Variants in CHD2 observed in about 807,000 individuals in gnomAD.
CHD2 encodes chromodomain helicase DNA binding protein 2.
A neutral mutation model predicts 243.9 loss-of-function variants in CHD2; 28 were observed. The ratio of observed to expected loss-of-function variants is 0.11; its 90% CI spans 0.09 to 0.16. The LOEUF is 0.16. Among genes scored for constraint, CHD2 ranks in the 10% least tolerant of loss-of-function variants. The probability of loss-of-function intolerance (pLI) is 1.00; values close to 1 mark genes in which losing one functional copy is unlikely to be tolerated. For synonymous variants in CHD2, 775 were observed against 779.0 expected, an observed-to-expected ratio of 0.99 and a Z score of 0.09; for missense variants, 1,386 against 2,209.8, an observed-to-expected ratio of 0.63 and a Z score of 7.47.
At chr15:93,012,858 G>A (rs1380387771) in intron 36 of CHD2, among the ~76,000 whole-genome samples, 2 of 152,212 alleles carry the variant, frequency 1.3e-5, no homozygotes, top group Non-Finnish European at 2.9e-5. Flanking sequence ...ACTTGTGAGA[G>A]GTGCTCAGAA....
intron 27 of CHD2, 98 bp downstream of exon 27, chr15:92,991,615 G>GGAACATTTTTTTTTC (rs2054120784): frequency 1.3e-6 from 1 of 783,172 alleles, no homozygotes; most frequent in Non-Finnish European, 2.0e-6. Context: ...ACTAATGCTG[G>GGAACATTTTTTTTTC]GAACATTTTT....
chr15:92,917,588 A>T (rs900909836), intron 2 of CHD2, among the ~76,000 whole-genome samples: 2 of 152,250 alleles, frequency 1.3e-5, no homozygotes, highest in Non-Finnish European at 1.5e-5. Context: ...AAAGAAAAAA[A>T]AGGTGTGACC....
chr15:92,953,848 C>T (rs763362558), intron 14 of CHD2: 18 of 388,232 alleles, frequency 4.6e-5, no homozygotes, highest in Non-Finnish European at 8.0e-5. Context: ...GCCCTTTTTA[C>T]TTCTAAGATT....
chr15:92,928,367 C>T (rs1236356249), intron 4 of CHD2, among the ~76,000 whole-genome samples: 1 of 152,186 alleles, frequency 6.6e-6, no homozygotes, highest in Non-Finnish European at 1.5e-5. Flanking sequence ...ACAAGATTAA[C>T]AGCAATAGGA....
At chr15:93,008,428 C>T (rs564301192) in intron 34 of CHD2, among the ~76,000 whole-genome samples, 1 of 152,060 alleles carries the variant, frequency 6.6e-6, no homozygotes, top group East Asian at 1.9e-4. Context: ...GTTTTTAAAC[C>T]GCTCCCCATT....
At chr15:93,024,283 T>C (rs2054567222) in intron 38 of CHD2, 89 bp from the exon 39 acceptor site, 3 of 1,122,602 alleles carry the variant, frequency 2.7e-6, no homozygotes, top group Admixed American at 2.2e-5. Context: ...TGAATATGAG[T>C]ATATGAGGAA....
At chr15:92,985,338 T>G (rs2054028935) in intron 25 of CHD2, among the ~76,000 whole-genome samples, 160 bp from the exon 26 acceptor site, 1 of 152,242 alleles carries the variant, frequency 6.6e-6, no homozygotes, top group South Asian at 2.1e-4. Context: ...AGTGGGTATT[T>G]CTCCAAGACC....
rs138642347 is a variant in CHD2, at chr15:93,020,410, A to T, written c.5153+152A>T. 0.018 allele frequency: 17,557 copies of T among 972,410 alleles called. 222 individuals are homozygous for T. Among genetic ancestry groups the T allele is most frequent in the South Asian group, 0.034 (2,158 of 63,058 alleles). The allele number at this position is 972,410 out of a possible 1,614,324, so 60.2% of individuals were successfully genotyped here. ...CCACAGCGAATCCCATGTCTTGGTT[A>T]TAGGTTTTATGTTTTGTTTTGTGGG... On this transcript the variant is annotated intron_variant, in intron 38 of 38. Coordinates refer to ENST00000394196, the MANE Select transcript of CHD2 (RefSeq NM_001271.4).
chr15:92,904,553 T>C (rs934565746), intron 2 of CHD2: 1 of 1,007,020 alleles, frequency 9.9e-7, no homozygotes, highest in Non-Finnish European at 1.2e-6. Context: ...TGGACGCGTT[T>C]GCTCCTGGCA....
At position 92,901,318 on chromosome 15, in the gene CHD2, C is replaced by T. The variant is rs748026656; in HGVS notation, c.62+19C>T. 19 of 1,560,730 alleles carry T rather than the reference C, an allele frequency of 1.2e-5. No individual in the cohort carries two copies. Among genetic ancestry groups the T allele is most frequent in the Admixed American group, 1.7e-5 (1 of 58,472 alleles). On this transcript the variant is annotated intron_variant, in intron 2 of 38. Transcript: ENST00000394196. Reference sequence around the variant, plus strand: ...CATCGAGGTATGAGCTATCAACTTTCTTCCTTTTTGTCTTTTTTTTTGGGG... The same window carrying T: ...CATCGAGGTATGAGCTATCAACTTTTTTCCTTTTTGTCTTTTTTTTTGGGG...
At chr15:92,936,862 C>T (rs2053275613) in intron 5 of CHD2, among the ~76,000 whole-genome samples, 1 of 150,822 alleles carries the variant, frequency 6.6e-6, no homozygotes, top group African/African-American at 2.4e-5. Flanking sequence ...GGAGGAGGGG[C>T]AGATAGGGGC....
intron 25 of CHD2, 146 bp from the exon 26 acceptor site, chr15:92,985,352 C>G: frequency 1.5e-6 from 1 of 665,788 alleles, no homozygotes; most frequent in South Asian, 2.9e-5. Flanking sequence ...CAAGACCTGT[C>G]TCCCCTTATT....
chr15:92,941,278 C>A (rs2053378681), intron 7 of CHD2, among the ~76,000 whole-genome samples: 1 of 151,864 alleles, frequency 6.6e-6, no homozygotes, highest in Admixed American at 6.6e-5. Flanking sequence ...AGGTGTGAGC[C>A]TCCGCGCCTA....
rs145939316 is a variant in CHD2, at chr15:92,929,532, T to C, written c.443+441T>C. 5.8e-4 allele frequency among the ~76,000 whole-genome samples: 89 copies of C among 152,336 alleles called. No individual in the cohort carries two copies. The East Asian group carries it at 0.015, about 26-fold the overall frequency. On this transcript the variant is annotated intron_variant, in intron 5 of 38. Coordinates refer to ENST00000394196, the MANE Select transcript of CHD2 (RefSeq NM_001271.4). ...TTACATATTGTTGTTTCTGTATAAT[T>C]TTAATGTTGCAGTTCATAAGCCAGA...
chr15:93,020,390 G>A, intron 38 of CHD2, 132 bp downstream of exon 38: 2 of 1,130,184 alleles, frequency 1.8e-6, no homozygotes, highest in Non-Finnish European at 2.6e-6. Context: ...GTCAGCCACA[G>A]CGAATCCCAT....
At chr15:92,947,079 G>A (rs369192521) in intron 12 of CHD2, 2 of 152,200 alleles carry the variant, frequency 1.3e-5, no homozygotes, top group East Asian at 3.8e-4. Flanking sequence ...AAACTGATGT[G>A]CTTGGGTCCT....
At chr15:92,917,079 A>G (rs2052853227) in intron 2 of CHD2, among the ~76,000 whole-genome samples, 1 of 152,108 alleles carries the variant, frequency 6.6e-6, no homozygotes, top group Non-Finnish European at 1.5e-5. Context: ...TTGATAGGTA[A>G]TTCTTCATAT....
chr15:92,945,632 A>G (rs1269043185), intron 10 of CHD2, 189 bp from the exon 11 acceptor site: 6 of 334,518 alleles, frequency 1.8e-5, no homozygotes, highest in Non-Finnish European at 1.1e-5. Context: ...TGCTGGCCTC[A>G]AGCAATCTGC....
intron 24 of CHD2, among the ~76,000 whole-genome samples, chr15:92,982,399 T>C (rs2053990982): frequency 6.6e-6 from 1 of 152,170 alleles, no homozygotes; most frequent in Non-Finnish European, 1.5e-5. Flanking sequence ...GTCAGCTGAA[T>C]TGAGATGATA....
Sources: gnomAD v4.1 joint callset for allele counts (sites outside exome capture counted in the v4.1 genomes callset) on GRCh38, gnomAD v4.1.1 for gene constraint, MANE v1.5 for transcripts, NCBI Gene and HGNC (gene_info 2026-07-23, HGNC 2026-07-21) for gene names.